The following BTBD9 variants were observed in gnomAD, a reference collection of about 807,000 sequenced individuals.
BTBD9 encodes BTB/POZ domain-containing protein 9.
A neutral mutation model predicts 64.3 loss-of-function variants in BTBD9; 49 were observed. The ratio of observed to expected loss-of-function variants is 0.76; its 90% CI spans 0.61 to 0.97. The LOEUF (loss-of-function observed/expected upper bound fraction) is 0.97, where lower values mean the gene tolerates loss of function less well. Ranked by LOEUF, BTBD9 falls within the 50% of genes least tolerant of loss-of-function variation. The pLI, the probability that BTBD9 is intolerant of heterozygous loss-of-function variation, is 0.00. For synonymous variants in BTBD9, 260 were observed against 274.7 expected (o/e 0.95, Z 0.53); for missense variants, 598 against 762.1 (o/e 0.78, Z 2.53).
chr6:38,501,330 G>C lies in BTBD9; in HGVS notation c.1154+76270C>G, dbSNP rs572061519. On this transcript the variant is annotated intron_variant, in intron 6 of 10. Coordinates refer to ENST00000481247, the MANE Select transcript of BTBD9 (RefSeq NM_001099272.2). ...GATTTCAGGTTTTCGGATTAGGAAT[G>C]CTCAACCAGTAGGTATAATACAAAT... Among the ~76,000 whole-genome samples, 4 of 152,290 alleles carry C rather than the reference G, an allele frequency of 2.6e-5. No individual in the cohort carries two copies. In the South Asian group the frequency reaches 8.3e-4, roughly 32 times the overall value.
intron 6 of BTBD9, among the ~76,000 whole-genome samples, chr6:38,521,077 A>G (rs9462439): frequency 0.076 from 11,530 of 152,060 alleles, 1,047 homozygotes; most frequent in East Asian, 0.23. Flanking sequence ...CAGGAGCCCA[A>G]CAGTTAAGAT....
chr6:38,262,684 T>C (rs1168199191), intron 8 of BTBD9, among the ~76,000 whole-genome samples: 3 of 152,228 alleles, frequency 2.0e-5, no homozygotes, highest in African/African-American at 4.8e-5. Flanking sequence ...GCAAACCCAG[T>C]GGACTGAGGT....
chr6:38,251,082 A>G (rs1387170561), intron 9 of BTBD9, among the ~76,000 whole-genome samples: 4 of 146,238 alleles, frequency 2.7e-5, no homozygotes, highest in Non-Finnish European at 6.0e-5. Context: ...ACTATGTCTC[A>G]GAAAAAAAAA....
Position 38,313,772 on chromosome 6 carries a change from TG to T in BTBD9, c.1265-25312del, listed in dbSNP as rs1156253064. 4.8e-5 allele frequency among the ~76,000 whole-genome samples: 7 copies of T among 147,284 alleles called. No homozygotes were observed. In the Admixed American group the frequency reaches 4.8e-4, roughly 10 times the overall value. The stretch of plus-strand genomic sequence containing the variant: ...CTTTTTTTTTTTTTTTTTTTTGAGA[TG>T]GAGTCTCACTCCGTCGTCCAGGCTG... On this transcript the variant is annotated intron_variant, in intron 7 of 10. Transcript: ENST00000481247.
intron 6 of BTBD9, among the ~76,000 whole-genome samples, chr6:38,404,945 G>T (rs1767099243): frequency 6.6e-6 from 1 of 152,150 alleles, no homozygotes; most frequent in Non-Finnish European, 1.5e-5. Flanking sequence ...ATTCATACTG[G>T]GAAGAGGCTG....
intron 1 of BTBD9, among the ~76,000 whole-genome samples, chr6:38,626,399 T>C (rs566012626): frequency 6.6e-6 from 1 of 152,300 alleles, no homozygotes; most frequent in East Asian, 1.9e-4. Flanking sequence ...AAATACTAAG[T>C]CTTATTCATT....
chr6:38,345,164 T>A, intron 6 of BTBD9, 71 bp from the exon 7 acceptor site: 1 of 963,136 alleles, frequency 1.0e-6, no homozygotes. Context: ...GATAACAGAG[T>A]AAGACACGTC....
intron 8 of BTBD9, among the ~76,000 whole-genome samples, chr6:38,266,965 C>T (rs1044183771): frequency 1.3e-5 from 2 of 152,198 alleles, no homozygotes; most frequent in Admixed American, 6.5e-5. Context: ...TTAAATTTGG[C>T]ATCACCAATT....
intron 7 of BTBD9, among the ~76,000 whole-genome samples, chr6:38,315,715 G>C (rs920096623): frequency 1.3e-5 from 2 of 152,138 alleles, no homozygotes; most frequent in Admixed American, 1.3e-4. Flanking sequence ...TTTGAGACTT[G>C]TTTTGCGGCC....
At chr6:38,541,980 T>G (rs1263443708) in intron 6 of BTBD9, among the ~76,000 whole-genome samples, 1 of 152,200 alleles carries the variant, frequency 6.6e-6, no homozygotes, top group Non-Finnish European at 1.5e-5. Flanking sequence ...CTTGACTACA[T>G]ATTTAACCCA....
chr6:38,475,376 CT>C (rs1235939008), intron 6 of BTBD9, among the ~76,000 whole-genome samples: 4 of 152,200 alleles, frequency 2.6e-5, no homozygotes, highest in Non-Finnish European at 4.4e-5. Context: ...CTGTCTCCAT[CT>C]TTGTTCAAAT....
chr6:38,353,561 A>C (rs1328221255), intron 6 of BTBD9, among the ~76,000 whole-genome samples: 1 of 152,232 alleles, frequency 6.6e-6, no homozygotes, highest in Admixed American at 6.5e-5. Context: ...AACCAATGTC[A>C]TTACTCAATA....
At chr6:38,361,868 GA>G (rs35224103) in intron 6 of BTBD9, among the ~76,000 whole-genome samples, 43 of 138,856 alleles carry the variant, frequency 3.1e-4, no homozygotes, top group South Asian at 1.2e-3. Context: ...AACACCACAG[GA>G]AAAAAAAAAA....
intron 8 of BTBD9, among the ~76,000 whole-genome samples, chr6:38,265,449 C>G (rs531991760): frequency 6.6e-6 from 1 of 151,152 alleles, no homozygotes; most frequent in East Asian, 1.9e-4. Context: ...CTGTGGAAAG[C>G]TGGATGGGGC....
chr6:38,183,630 G>A (rs1266586444), intron 10 of BTBD9, among the ~76,000 whole-genome samples: 4 of 152,200 alleles, frequency 2.6e-5, no homozygotes, highest in Non-Finnish European at 5.9e-5. Flanking sequence ...TTATCTGCAG[G>A]TATAATCCTT....
In BTBD9 at chr6:38,169,866, C is replaced by T. The variant is rs1409863123; in HGVS notation, c.*5119G>A. 1 of 148,744 alleles carries T rather than the reference C, an allele frequency of 6.7e-6. No homozygotes were observed. Among genetic ancestry groups the T allele is most frequent in the Admixed American group, 6.9e-5 (1 of 14,552 alleles). 9.2% of individuals were successfully genotyped at this position (148,744 alleles called of 1,614,324 possible). ...AGGTGGATGATTGTGAGTCTTCAGG[C>T]CATGAGGCCTCTTGGGGACTATTTC... On this transcript the variant is annotated 3_prime_UTR_variant, in exon 11 of 11. Coordinates refer to ENST00000481247, the MANE Select transcript of BTBD9 (RefSeq NM_001099272.2).
intron 6 of BTBD9, among the ~76,000 whole-genome samples, chr6:38,530,788 A>C (rs1232930851): frequency 6.6e-6 from 1 of 152,166 alleles, no homozygotes; most frequent in Non-Finnish European, 1.5e-5. Context: ...AAGAGACTGA[A>C]ATAAAAAGAA....
intron 6 of BTBD9, among the ~76,000 whole-genome samples, chr6:38,374,283 G>GTATATATA (rs57568036): frequency 0.018 from 827 of 45,066 alleles, 34 homozygotes; most frequent in Middle Eastern, 0.037. Context: ...AAAAAAAAAA[G>GTATATATA]TATATATATA....
At chr6:38,571,021 T>G (rs1775739185) in intron 6 of BTBD9, among the ~76,000 whole-genome samples, 1 of 152,264 alleles carries the variant, frequency 6.6e-6, no homozygotes, top group African/African-American at 2.4e-5. Context: ...CTATGAGGGT[T>G]GCTCTTGCTA....
Sources: gnomAD v4.1 joint callset for allele counts (sites outside exome capture counted in the v4.1 genomes callset) on GRCh38, gnomAD v4.1.1 for gene constraint, MANE v1.5 for transcripts, NCBI Gene and HGNC (gene_info 2026-07-23, HGNC 2026-07-21) for gene names.